Variants in CTNNA3 observed in about 807,000 individuals in gnomAD.
CTNNA3 encodes catenin alpha-3.
CTNNA3 carries 76 observed loss-of-function variants against 95.7 expected under a neutral mutation model. The ratio of observed to expected loss-of-function variants is 0.79; its 90% CI spans 0.66 to 0.96. The LOEUF (loss-of-function observed/expected upper bound fraction) is 0.96. Among genes scored for constraint, CTNNA3 ranks in the 40% least tolerant of loss-of-function variants. CTNNA3 has a pLI of 0.00. For synonymous variants in CTNNA3, 431 were observed against 374.4 expected, an observed-to-expected ratio of 1.15 and a Z score of -1.74; for missense variants, 1,191 against 1,089.8, an observed-to-expected ratio of 1.09 and a Z score of -1.31.
intron 10 of CTNNA3, among the ~76,000 whole-genome samples, chr10:66,611,210 T>C (rs1844317839): frequency 6.6e-6 from 1 of 152,064 alleles, no homozygotes; most frequent in Non-Finnish European, 1.5e-5. Flanking sequence ...AGTTCAGGTA[T>C]TAGATAGTAC....
At chr10:66,633,667 A>G (rs1195893958) in intron 9 of CTNNA3, among the ~76,000 whole-genome samples, 7 of 151,976 alleles carry the variant, frequency 4.6e-5, no homozygotes, top group African/African-American at 1.2e-4. Flanking sequence ...GCAACAGAGC[A>G]AGACTCCATC....
intron 15 of CTNNA3, among the ~76,000 whole-genome samples, chr10:66,052,642 C>G (rs1410695977): frequency 2.0e-5 from 3 of 151,932 alleles, no homozygotes; most frequent in African/African-American, 7.3e-5. Context: ...TACCTGAGCA[C>G]TAGCGAAAAA....
chr10:66,623,932 A>T (rs1844840135), intron 9 of CTNNA3, among the ~76,000 whole-genome samples: 1 of 152,178 alleles, frequency 6.6e-6, no homozygotes, highest in Non-Finnish European at 1.5e-5. Context: ...TAAATTCTGC[A>T]TGGCTCTTTA....
chr10:67,093,040 C>A (rs1014121253), intron 7 of CTNNA3, among the ~76,000 whole-genome samples: 1 of 151,974 alleles, frequency 6.6e-6, no homozygotes, highest in South Asian at 2.1e-4. Flanking sequence ...AATTACCTTT[C>A]TTGGAAAACG....
At chr10:66,997,791 A>G (rs1361608701) in intron 7 of CTNNA3, among the ~76,000 whole-genome samples, 2 of 152,106 alleles carry the variant, frequency 1.3e-5, no homozygotes, top group African/African-American at 2.4e-5. Context: ...GCTATTTCCT[A>G]TTCTCTTCTT....
intron 2 of CTNNA3, among the ~76,000 whole-genome samples, chr10:67,621,093 T>A (rs1171204028): frequency 6.6e-6 from 1 of 151,952 alleles, no homozygotes; most frequent in African/African-American, 2.4e-5. Flanking sequence ...AGCATAACAG[T>A]TCTGACATGG....
intron 5 of CTNNA3, among the ~76,000 whole-genome samples, chr10:67,447,606 A>G (rs879753333): frequency 1.3e-5 from 2 of 152,028 alleles, no homozygotes; most frequent in Non-Finnish European, 2.9e-5. Context: ...ATTTCCTCCC[A>G]TGTATTCAGG....
chr10:66,179,350 G>A (rs957547708), intron 13 of CTNNA3, among the ~76,000 whole-genome samples: 1 of 152,038 alleles, frequency 6.6e-6, no homozygotes, highest in Non-Finnish European at 1.5e-5. Context: ...TACTTTAATG[G>A]TTGACACTGG....
intron 11 of CTNNA3, among the ~76,000 whole-genome samples, chr10:66,393,345 AAGCCT>A (rs1184051071): frequency 6.6e-6 from 1 of 152,112 alleles, no homozygotes; most frequent in Non-Finnish European, 1.5e-5. Context: ...ACACAAGGTG[AAGCCT>A]ACTGTAAACG....
chr10:67,198,756 G>A (rs774907980), intron 6 of CTNNA3, among the ~76,000 whole-genome samples: 3 of 152,116 alleles, frequency 2.0e-5, no homozygotes, highest in South Asian at 2.1e-4. Context: ...AACTGTTCGT[G>A]CATTTTACAC....
intron 7 of CTNNA3, among the ~76,000 whole-genome samples, chr10:66,819,968 A>T (rs1334585529): frequency 6.6e-6 from 1 of 152,110 alleles, no homozygotes; most frequent in Admixed American, 6.6e-5. Context: ...TCATCCAGCA[A>T]TTCTATTCCT....
At chr10:66,449,085 T>C (rs1217122860) in intron 11 of CTNNA3, among the ~76,000 whole-genome samples, 1 of 151,698 alleles carries the variant, frequency 6.6e-6, no homozygotes, top group Non-Finnish European at 1.5e-5. Context: ...AGTAATTATA[T>C]AAAAAAAGCA....
chr10:67,394,630 C>T (rs959789217), intron 5 of CTNNA3, among the ~76,000 whole-genome samples: 1 of 152,094 alleles, frequency 6.6e-6, no homozygotes, highest in Admixed American at 6.6e-5. Flanking sequence ...TGACAATTCT[C>T]ACCTCCAGGA....
At chr10:67,058,387 C>A (rs976066392) in intron 7 of CTNNA3, among the ~76,000 whole-genome samples, 1 of 152,052 alleles carries the variant, frequency 6.6e-6, no homozygotes, top group African/African-American at 2.4e-5. Context: ...AATTCTTATT[C>A]TTTTTTAAAG....
chr10:67,452,214 G>A (rs1042766634), intron 5 of CTNNA3, among the ~76,000 whole-genome samples: 3 of 151,980 alleles, frequency 2.0e-5, no homozygotes, highest in East Asian at 1.9e-4. Flanking sequence ...GCATTTGGGG[G>A]AAATATAATG....
At chr10:66,238,031 A>G (rs2089941033) in intron 13 of CTNNA3, among the ~76,000 whole-genome samples, 1 of 152,072 alleles carries the variant, frequency 6.6e-6, no homozygotes, top group Non-Finnish European at 1.5e-5. Flanking sequence ...AAAATAATCA[A>G]ATTCATGCTA....
At chr10:67,252,309 G>A (rs1406423784) in intron 5 of CTNNA3, among the ~76,000 whole-genome samples, 1 of 151,908 alleles carries the variant, frequency 6.6e-6, no homozygotes, top group Non-Finnish European at 1.5e-5. Context: ...GAGGTTGAAG[G>A]AGGCAGTACA....
At chr10:66,189,978 G>A in intron 13 of CTNNA3, among the ~76,000 whole-genome samples, 1 of 152,012 alleles carries the variant, frequency 6.6e-6, no homozygotes, top group East Asian at 1.9e-4. Flanking sequence ...CCCACAAAGA[G>A]AGGAGAAAGA....
chr10:67,087,034 T>C (rs1437472549), intron 7 of CTNNA3, among the ~76,000 whole-genome samples: 1 of 152,010 alleles, frequency 6.6e-6, no homozygotes, highest in African/African-American at 2.4e-5. Context: ...AGAAACGGAT[T>C]TGGAAACACA....
Sources: allele counts gnomAD v4.1 joint callset (sites outside exome capture counted in the v4.1 genomes callset), GRCh38; gene constraint gnomAD v4.1.1; transcripts MANE v1.5; gene names NCBI Gene and HGNC (gene_info 2026-07-23, HGNC 2026-07-21).